TOGARAM1: variants seen among roughly 807,000 people sequenced by gnomAD.
TOGARAM1 encodes the protein TOG array regulator of axonemal microtubules protein 1.
In TOGARAM1, 100 loss-of-function variants were observed where a neutral mutation model predicts 166.6. That is an observed-to-expected ratio of 0.60 (90% confidence interval 0.51 to 0.71). The LOEUF (loss-of-function observed/expected upper bound fraction) is 0.71, where lower values mean the gene tolerates loss of function less well. Ranked by LOEUF, TOGARAM1 falls within the 30% of genes least tolerant of loss-of-function variation. The pLI is 0.00. For missense variants in TOGARAM1, 2,029 were observed against 2,102.7 expected (o/e 0.96, Z 0.69); for synonymous variants, 758 against 763.8 (o/e 0.99, Z 0.13).
intron 1 of TOGARAM1, among the ~76,000 whole-genome samples, chr14:44,979,195 G>A (rs10140049): frequency 0.16 from 24,174 of 151,806 alleles, 3,598 homozygotes; most frequent in African/African-American, 0.4. Flanking sequence ...TAATAATACT[G>A]TTTTCAAAGG....
chr14:45,032,808 G>A (rs539446664), intron 11 of TOGARAM1, among the ~76,000 whole-genome samples: 8 of 152,198 alleles, frequency 5.3e-5, no homozygotes, highest in East Asian at 1.9e-4. Context: ...GTGTTTCAGC[G>A]GGAGCATCCA....
intron 16 of TOGARAM1, among the ~76,000 whole-genome samples, chr14:45,063,540 A>G (rs961522359): frequency 4.9e-5 from 7 of 143,562 alleles, no homozygotes; most frequent in Non-Finnish European, 1.5e-5. Context: ...GGTGGAGTAC[A>G]GTGGCGTGAT....
chr14:45,025,631 T>C (rs892027979), intron 7 of TOGARAM1, 152 bp from the exon 8 acceptor site: 3 of 535,194 alleles, frequency 5.6e-6, no homozygotes, highest in Non-Finnish European at 3.3e-6. Flanking sequence ...GTTACAAACA[T>C]TTATAATGAC....
intron 10 of TOGARAM1, 104 bp downstream of exon 10, chr14:45,028,433 T>C (rs1032317581): frequency 2.8e-5 from 35 of 1,233,588 alleles, no homozygotes; most frequent in Non-Finnish European, 4.0e-5. Context: ...ATGAAATATC[T>C]TATATAACAC....
intron 7 of TOGARAM1, 27 bp downstream of exon 7, chr14:45,012,102 A>G: frequency 2.2e-6 from 3 of 1,346,546 alleles, no homozygotes; most frequent in Non-Finnish European, 3.1e-6. Flanking sequence ...TATAAAAATA[A>G]TTTATAAAAT....
intron 18 of TOGARAM1, among the ~76,000 whole-genome samples, chr14:45,069,549 A>C (rs529658843): frequency 6.6e-6 from 1 of 152,288 alleles, no homozygotes; most frequent in East Asian, 1.9e-4. Context: ...AAAATATTTA[A>C]ACCATGAGGC....
chr14:45,069,316 C>G (rs898293562), intron 18 of TOGARAM1, among the ~76,000 whole-genome samples: 1 of 151,880 alleles, frequency 6.6e-6, no homozygotes, highest in Admixed American at 6.6e-5. Flanking sequence ...TTGCAGTGAG[C>G]CAAGATTGTA....
At chr14:44,973,652 T>A (rs1489517591) in intron 1 of TOGARAM1, among the ~76,000 whole-genome samples, 6 of 151,704 alleles carry the variant, frequency 4.0e-5, no homozygotes, top group Non-Finnish European at 8.8e-5. Context: ...TAATTTTCCT[T>A]TTCTCTGAAA....
chr14:45,041,912 A>G (rs908676748), intron 11 of TOGARAM1, among the ~76,000 whole-genome samples: 3 of 152,176 alleles, frequency 2.0e-5, no homozygotes, highest in African/African-American at 7.2e-5. Context: ...ACAGGTGCAC[A>G]CTACTACGCC....
At chr14:44,985,883 A>T (rs1886767466) in intron 1 of TOGARAM1, among the ~76,000 whole-genome samples, 1 of 152,248 alleles carries the variant, frequency 6.6e-6, no homozygotes, top group Non-Finnish European at 1.5e-5. Flanking sequence ...ATTGTTCAGG[A>T]TCTAAAGAGT....
chr14:44,974,336 T>C (rs1366066967), intron 1 of TOGARAM1, among the ~76,000 whole-genome samples: 1 of 152,082 alleles, frequency 6.6e-6, no homozygotes, highest in East Asian at 1.9e-4. Flanking sequence ...TGTTTTTGAT[T>C]TCTAGGTTTC....
chr14:45,045,839 T>C (rs1882042822), intron 13 of TOGARAM1, among the ~76,000 whole-genome samples: 1 of 150,632 alleles, frequency 6.6e-6, no homozygotes, highest in Admixed American at 6.7e-5. Flanking sequence ...TAATTTTGAA[T>C]TTTGTTGCTA....
At chr14:45,054,687 G>A in intron 16 of TOGARAM1, 138 bp downstream of exon 16, 4 of 606,762 alleles carry the variant, frequency 6.6e-6, no homozygotes, top group Non-Finnish European at 1.2e-5. Context: ...GATCCAGAAA[G>A]TGTGAGGTAA....
intron 1 of TOGARAM1, among the ~76,000 whole-genome samples, chr14:44,976,482 T>C (rs1238372562): frequency 6.6e-6 from 1 of 152,236 alleles, no homozygotes; most frequent in Admixed American, 6.5e-5. Flanking sequence ...TTTCCCACTA[T>C]ACTCTGAGCA....
At chr14:45,010,653 T>C (rs769743566) in intron 6 of TOGARAM1, among the ~76,000 whole-genome samples, 21 of 152,248 alleles carry the variant, frequency 1.4e-4, no homozygotes, top group Non-Finnish European at 2.8e-4. Flanking sequence ...CCCTCATTTA[T>C]GGACTGAAAT....
chr14:45,045,617 GTA>G (rs1208187623), intron 13 of TOGARAM1, among the ~76,000 whole-genome samples: 507 of 33,216 alleles, frequency 0.015, 6 homozygotes, highest in East Asian at 0.093. Flanking sequence ...GTGTGTGTGT[GTA>G]TATATATGTA....
At chr14:44,995,670 A>G in intron 1 of TOGARAM1, 76 bp from the exon 2 acceptor site, 1 of 1,004,854 alleles carries the variant, frequency 1.0e-6, no homozygotes. Flanking sequence ...TCATAATTGG[A>G]TCTAAGTTAT....
chr14:45,021,735 G>T (rs1880525472), intron 7 of TOGARAM1, among the ~76,000 whole-genome samples: 1 of 152,170 alleles, frequency 6.6e-6, no homozygotes, highest in South Asian at 2.1e-4. Context: ...ATCTAGGGAT[G>T]GGGAATCAGA....
At chr14:45,008,848 A>G (rs1421672406) in intron 5 of TOGARAM1, 65 bp from the exon 6 acceptor site, 1 of 1,338,544 alleles carries the variant, frequency 7.5e-7, no homozygotes, top group African/African-American at 1.5e-5. Flanking sequence ...TTTAAAATTT[A>G]AGGATAACTT....
Sources: allele counts gnomAD v4.1 joint callset (sites outside exome capture counted in the v4.1 genomes callset), GRCh38; gene constraint gnomAD v4.1.1; transcripts MANE v1.5; gene names NCBI Gene and HGNC (gene_info 2026-07-23, HGNC 2026-07-21).